RIMS3: variants seen among roughly 807,000 people sequenced by gnomAD.
RIMS3 encodes regulating synaptic membrane exocytosis 3.
Under a neutral mutation model 29.2 loss-of-function variants are expected in RIMS3, and 15 were observed. The observed-to-expected ratio is 0.51, with a 90% confidence interval of 0.34 to 0.79. The LOEUF is 0.79. Ranked by LOEUF, RIMS3 falls within the 30% of genes least tolerant of loss-of-function variation. The probability of loss-of-function intolerance (pLI) is 0.01; values close to 1 mark genes in which losing one functional copy is unlikely to be tolerated. For missense variants in RIMS3, 342 were observed against 421.4 expected (o/e 0.81, Z 1.65); for synonymous variants, 161 against 170.1 (o/e 0.95, Z 0.41).
intron 2 of RIMS3, among the ~76,000 whole-genome samples, chr1:40,646,680 C>A (rs531200253): frequency 6.6e-6 from 1 of 152,146 alleles, no homozygotes; most frequent in Admixed American, 6.5e-5. Flanking sequence ...AACTCCATGC[C>A]AAAAGAGACC....
chr1:40,644,858 G>GA (rs1224172586), intron 2 of RIMS3, among the ~76,000 whole-genome samples: 6 of 152,244 alleles, frequency 3.9e-5, no homozygotes, highest in African/African-American at 1.4e-4. Flanking sequence ...CCCGGGCCTG[G>GA]AACACTGAGA....
At chr1:40,684,574 A>G in the RIMS3 span, among the ~76,000 whole-genome samples, 1 of 152,028 alleles carries the variant, frequency 6.6e-6, no homozygotes, top group Non-Finnish European at 1.5e-5. Context: ...GCCATGGAGT[A>G]GTGAGAATTA....
rs767653965 is a variant in RIMS3 at position 40,654,855 on chromosome 1, T to TAC, written c.-206-7015_-206-7014dup. Among the ~76,000 whole-genome samples, 2 of 151,802 alleles carry TAC rather than the reference T, an allele frequency of 1.3e-5. No homozygotes were observed. The highest frequency in any genetic ancestry group is 2.4e-5 in the African/African-American group (1 of 41,312). ...ACACACACTTAAACTCTCTCATACA[T>TAC]ACACACACACATTATGCCTTCACAG... On this transcript the variant is annotated intron_variant, in intron 1 of 7. Transcript: ENST00000372684. The surrounding 1 kb of genome is among the most constrained non-coding windows in gnomAD (Gnocchi z 5.3).
chr1:40,640,619 C>T (rs1001993705), intron 3 of RIMS3, among the ~76,000 whole-genome samples: 5 of 152,100 alleles, frequency 3.3e-5, no homozygotes, highest in Non-Finnish European at 5.9e-5. Context: ...GATTTTAAAA[C>T]AAAACCAGCT....
Position 40,650,013 on chromosome 1 carries a change from T to A in RIMS3, c.-206-2171A>T, listed in dbSNP as rs950834815. Among the ~76,000 whole-genome samples the A allele has an allele frequency of 3.9e-5, 6 of 151,940 alleles. No homozygotes were observed. The East Asian group carries it at 1.2e-3, about 29-fold the overall frequency. ...ACCTACAAGACTGAGCCCCTGATGT[T>A]CCCCCAGGGCCTCAGGGCACCACAT... On this transcript the variant is annotated intron_variant, in intron 1 of 7. Transcript: ENST00000372684.
intron 2 of RIMS3, among the ~76,000 whole-genome samples, chr1:40,645,960 A>G (rs1246049814): frequency 6.6e-6 from 1 of 152,180 alleles, no homozygotes; most frequent in Non-Finnish European, 1.5e-5. Context: ...GAGGAGCCAG[A>G]CCCAAAGCAC....
At chr1:40,682,559 C>T in the RIMS3 span, among the ~76,000 whole-genome samples, 2 of 151,980 alleles carry the variant, frequency 1.3e-5, no homozygotes, top group Non-Finnish European at 2.9e-5. Context: ...GTAACTTTTG[C>T]ATTCCCATTC....
At chr1:40,675,843 G>A in the RIMS3 span, among the ~76,000 whole-genome samples, 1 of 151,806 alleles carries the variant, frequency 6.6e-6, no homozygotes. Flanking sequence ...CAGGAAGATT[G>A]TTTGAGCCCA....
At position 40,623,839 on chromosome 1, in the gene RIMS3, CG is replaced by C. The variant is rs1646436792; in HGVS notation, c.*2677del. 3.4e-6 allele frequency: 1 copy of C among 290,072 alleles called. No individual in the cohort carries two copies. The highest frequency in any genetic ancestry group is 2.2e-5 in the African/African-American group (1 of 46,390). 18.0% of individuals were successfully genotyped at this position (290,072 alleles called of 1,614,324 possible). A position where few individuals can be genotyped will look rare whatever the true frequency, so the allele number is the denominator to read the frequency against. On this transcript the variant is annotated 3_prime_UTR_variant, in exon 8 of 8. Coordinates refer to ENST00000372684, the MANE Select transcript of RIMS3 (RefSeq NM_014747.3). ...GTGCAGCCACACTGCATCACACAGA[CG>C]TGTCAGCCTCACACAACTTTACCCT... is the stretch of plus-strand genomic sequence containing the variant.
chr1:40,664,002 A>AT (rs1430909874), intron 1 of RIMS3, among the ~76,000 whole-genome samples: 1 of 152,160 alleles, frequency 6.6e-6, no homozygotes, highest in African/African-American at 2.4e-5. Flanking sequence ...GATTTCCTCA[A>AT]TATCACACAG....
chr1:40,680,904 A>G, the RIMS3 span, among the ~76,000 whole-genome samples: 2 of 152,174 alleles, frequency 1.3e-5, no homozygotes, highest in African/African-American at 4.8e-5. Flanking sequence ...TCTTGATTGT[A>G]AGCATCCTAA....
At chr1:40,626,982 A>G (rs539639271) in intron 7 of RIMS3, among the ~76,000 whole-genome samples, 1 of 152,306 alleles carries the variant, frequency 6.6e-6, no homozygotes, top group African/African-American at 2.4e-5. Flanking sequence ...CATTATTTCC[A>G]TGAAGGAAAC....
intron 1 of RIMS3, among the ~76,000 whole-genome samples, chr1:40,660,374 GCTT>G (rs1219997503): frequency 3.3e-5 from 5 of 150,920 alleles, no homozygotes; most frequent in East Asian, 3.9e-4. Flanking sequence ...GATTGTTGGG[GCTT>G]CTTTTTTTTT....
the RIMS3 span, among the ~76,000 whole-genome samples, chr1:40,678,302 G>T: frequency 2.6e-5 from 4 of 152,322 alleles, no homozygotes; most frequent in South Asian, 6.2e-4. Context: ...CAGCTACCTG[G>T]GAGGCTGAGG....
At chr1:40,690,900 C>T in the RIMS3 span, 1 of 152,324 alleles carries the variant, frequency 6.6e-6, no homozygotes, top group South Asian at 2.1e-4. Flanking sequence ...ATTCAAGACA[C>T]ATTTGATGAC....
rs1264087145 is a variant in RIMS3, at chr1:40,622,256, GC to G, written c.*4260del. On this transcript the variant is annotated 3_prime_UTR_variant, in exon 8 of 8. Coordinates refer to ENST00000372684, the MANE Select transcript of RIMS3 (RefSeq NM_014747.3). ...ACATTGCTCTGAGATGCTCAGGCAC[GC>G]TTTTAAAAGAATCCTTTCCCAGCCA... is the stretch of plus-strand genomic sequence containing the variant. 6.5e-6 allele frequency: 1 copy of G among 152,692 alleles called. No individual in the cohort carries two copies. The highest frequency in any genetic ancestry group is 1.5e-5 in the Non-Finnish European group (1 of 68,080). 9.5% of individuals were successfully genotyped at this position (152,692 alleles called of 1,614,324 possible).
chr1:40,654,064 G>C lies in RIMS3; in HGVS notation c.-206-6222C>G, dbSNP rs1296257317. On this transcript the variant is annotated intron_variant, in intron 1 of 7. Transcript: ENST00000372684. This position sits in a 1 kb window ranked among gnomAD's most constrained non-coding sequence, Gnocchi z 5.3. ...CTCTCCCCCTCCCACACCCTCGCTGGGGGAGACACGGCAGTACCACGGACA... is the reference window on the plus strand; with the variant it reads ...CTCTCCCCCTCCCACACCCTCGCTGCGGGAGACACGGCAGTACCACGGACA... Among the ~76,000 whole-genome samples the C allele has an allele frequency of 6.6e-6, 1 of 151,988 alleles. No homozygotes were observed. Among genetic ancestry groups the C allele is most frequent in the Non-Finnish European group, 1.5e-5 (1 of 67,970 alleles).
At chr1:40,629,127 C>G in intron 6 of RIMS3, 144 bp downstream of exon 6, 1 of 1,044,092 alleles carries the variant, frequency 9.6e-7, no homozygotes, top group Non-Finnish European at 1.5e-6. Context: ...CCTTACTCCC[C>G]CACCTAGTCA....
At chr1:40,668,707 C>T (rs1406470347), upstream of RIMS3, among the ~76,000 whole-genome samples, 1 of 152,108 alleles carries the variant, frequency 6.6e-6, no homozygotes, top group East Asian at 1.9e-4. Flanking sequence ...AACCTAGAAG[C>T]CATAAGAGAA....
Sources: allele counts gnomAD v4.1 joint callset (sites outside exome capture counted in the v4.1 genomes callset), GRCh38; gene constraint gnomAD v4.1.1; non-coding constraint Gnocchi (gnomAD v3.1); transcripts MANE v1.5; gene names NCBI Gene and HGNC (gene_info 2026-07-23, HGNC 2026-07-21).